Variants in PDE10A observed in about 807,000 individuals in gnomAD.
PDE10A encodes the protein cAMP and cAMP-inhibited cGMP 3',5'-cyclic phosphodiesterase 10A.
A neutral mutation model predicts 97.7 loss-of-function variants in PDE10A; 39 were observed. The ratio of observed to expected loss-of-function variants is 0.40; its 90% confidence interval spans 0.31 to 0.52. The LOEUF (loss-of-function observed/expected upper bound fraction) is 0.52, where lower values mean the gene tolerates loss of function less well. PDE10A is among the 20% of genes least tolerant of loss of function. The pLI is 0.56. For missense variants in PDE10A, 731 were observed against 1,047.8 expected (o/e 0.70, Z 4.17); for synonymous variants, 371 against 376.8 (o/e 0.98, Z 0.18).
intron 1 of PDE10A, among the ~76,000 whole-genome samples, chr6:165,674,841 C>T (rs1790750682): frequency 6.6e-6 from 1 of 152,182 alleles, no homozygotes; most frequent in African/African-American, 2.4e-5. Context: ...CTTTATGGTT[C>T]ATCCCTTCCC....
chr6:165,582,452 C>G (rs10485104), intron 1 of PDE10A, among the ~76,000 whole-genome samples: 30,001 of 152,008 alleles, frequency 0.2, 3,262 homozygotes, highest in African/African-American at 0.28. Flanking sequence ...GTACATTTTT[C>G]TAAGGTACAG....
intron 1 of PDE10A, among the ~76,000 whole-genome samples, chr6:165,684,343 T>C (rs1225880527): frequency 6.6e-6 from 1 of 152,252 alleles, no homozygotes; most frequent in Non-Finnish European, 1.5e-5. Flanking sequence ...GTGTCTACTG[T>C]GGATGGGCAC....
In PDE10A at chr6:165,943,266, G is replaced by GAAAGAAA. The variant is rs1783626119; in HGVS notation, c.-615+44262_-615+44263insTTTCTTT. ...AGGAAGGAAGGAAGGAAGGAAGGAA[G>GAAAGAAA]GAAGGAAGGAAAGAAAGAAAGAAAG... is the stretch of plus-strand genomic sequence containing the variant. On this transcript the variant is annotated intron_variant, in intron 1 of 19. Transcript: ENST00000366882. 1.3e-4 allele frequency among the ~76,000 whole-genome samples: 11 copies of GAAAGAAA among 85,554 alleles called. 3 individuals are homozygous for GAAAGAAA. The highest frequency in any genetic ancestry group is 5.1e-4 in the African/African-American group (9 of 17,540). The allele number at this position is 85,554 out of a possible 152,430, so 56.1% of individuals were successfully genotyped here.
chr6:165,607,051 G>T (rs1036594956), intron 1 of PDE10A, among the ~76,000 whole-genome samples: 3 of 151,990 alleles, frequency 2.0e-5, no homozygotes, highest in African/African-American at 7.3e-5. Context: ...CTATTTTCTT[G>T]CTTCCCAACT....
At chr6:165,359,290 G>A (rs1783231011) in intron 18 of PDE10A, among the ~76,000 whole-genome samples, 1 of 152,036 alleles carries the variant, frequency 6.6e-6, no homozygotes, top group Admixed American at 6.6e-5. Flanking sequence ...CCTGTCTGCT[G>A]ACAACATATT....
intron 2 of PDE10A, among the ~76,000 whole-genome samples, chr6:165,525,284 T>A (rs2128310960): frequency 6.6e-6 from 1 of 152,240 alleles, no homozygotes; most frequent in East Asian, 1.9e-4. Context: ...AAACATAAAA[T>A]TGGATCAGGC....
intron 2 of PDE10A, among the ~76,000 whole-genome samples, chr6:165,526,066 TA>T (rs1782426491): frequency 6.6e-6 from 1 of 152,216 alleles, no homozygotes; most frequent in Non-Finnish European, 1.5e-5. Context: ...AGGACCCCAC[TA>T]TATTACCAAC....
At chr6:165,633,039 A>G (rs992220455) in intron 1 of PDE10A, among the ~76,000 whole-genome samples, 1 of 151,874 alleles carries the variant, frequency 6.6e-6, no homozygotes, top group Non-Finnish European at 1.5e-5. Flanking sequence ...TTCTGGAAAT[A>G]GCATACCATA....
intron 3 of PDE10A, among the ~76,000 whole-genome samples, chr6:165,463,244 C>T (rs959451796): frequency 6.6e-6 from 1 of 152,128 alleles, no homozygotes; most frequent in Non-Finnish European, 1.5e-5. Flanking sequence ...GGCACCTCAA[C>T]CTCAAATGAT....
chr6:165,473,938 CAATT>C (rs954500962), intron 3 of PDE10A, among the ~76,000 whole-genome samples: 2 of 152,168 alleles, frequency 1.3e-5, no homozygotes, highest in Non-Finnish European at 1.5e-5. Flanking sequence ...GTCATTCACT[CAATT>C]AAGGTAATGA....
intron 1 of PDE10A, among the ~76,000 whole-genome samples, chr6:165,952,102 G>T (rs1338148037): frequency 1.3e-5 from 2 of 152,208 alleles, no homozygotes; most frequent in Non-Finnish European, 2.9e-5. Flanking sequence ...GACATTAAAT[G>T]ACTTTCCCAG....
chr6:165,484,218 A>C (rs1334737200), intron 2 of PDE10A, among the ~76,000 whole-genome samples: 2 of 152,244 alleles, frequency 1.3e-5, no homozygotes, highest in Admixed American at 1.3e-4. Flanking sequence ...CTTGCCCAAG[A>C]AAAATTTAAG....
chr6:165,927,925 A>C (rs1782994710), intron 1 of PDE10A, among the ~76,000 whole-genome samples: 1 of 150,468 alleles, frequency 6.6e-6, no homozygotes, highest in East Asian at 1.9e-4. Context: ...TCTAACTCCT[A>C]ACCTTAAGTG....
intron 1 of PDE10A, among the ~76,000 whole-genome samples, chr6:165,642,821 G>GAA (rs1789202244): frequency 6.6e-6 from 1 of 152,218 alleles, no homozygotes; most frequent in South Asian, 2.1e-4. Flanking sequence ...ACCTGCCAAA[G>GAA]AACGTGCGTC....
chr6:165,953,120 G>C (rs953367111), intron 1 of PDE10A, among the ~76,000 whole-genome samples: 1 of 152,160 alleles, frequency 6.6e-6, no homozygotes, highest in Non-Finnish European at 1.5e-5. Flanking sequence ...CTTAGGACTT[G>C]CTCTATGACT....
At chr6:165,818,031 G>C (rs746139480) in intron 1 of PDE10A, among the ~76,000 whole-genome samples, 6 of 152,178 alleles carry the variant, frequency 3.9e-5, no homozygotes, top group Middle Eastern at 3.2e-3. Context: ...TCTCATACCT[G>C]CTCTCTGAGC....
Position 165,430,277 on chromosome 6 carries a change from G to C in PDE10A, c.1601+10C>G. ...AATAAGAGCTACTATCCCTAGAAAT[G>C]AACACTTACTTTGATACGTCGAGTA... On this transcript the variant is annotated intron_variant, in intron 9 of 21. Coordinates refer to ENST00000539869, the MANE Select transcript of PDE10A (RefSeq NM_001385079.1). The C allele has an allele frequency of 6.3e-7, 1 of 1,599,864 alleles. No individual in the cohort carries two copies. Among genetic ancestry groups the C allele is most frequent in the Non-Finnish European group, 8.6e-7 (1 of 1,169,508 alleles).
Position 165,494,585 on chromosome 6 carries a change from T to G in PDE10A, c.995-12242A>C, listed in dbSNP as rs553992564. On this transcript the variant is annotated intron_variant, in intron 2 of 21. Transcript: ENST00000539869. ...AGAAATCCAGAATAAAGAAAGGTGATCATTTAATGCCTATATTAGAAATTA... is the reference window on the plus strand; with the variant it reads ...AGAAATCCAGAATAAAGAAAGGTGAGCATTTAATGCCTATATTAGAAATTA... Among the ~76,000 whole-genome samples, 190 of 151,212 alleles carry G rather than the reference T, an allele frequency of 1.3e-3. 1 individual carries two copies. The highest frequency in any genetic ancestry group is 4.5e-3 in the African/African-American group (187 of 41,308).
At chr6:165,582,933 G>A (rs774892798) in intron 1 of PDE10A, among the ~76,000 whole-genome samples, 17 of 151,970 alleles carry the variant, frequency 1.1e-4, no homozygotes, top group African/African-American at 3.1e-4. Context: ...GTATTTCTTC[G>A]TGCGGCAAAT....
Sources: allele counts gnomAD v4.1 joint callset (sites outside exome capture counted in the v4.1 genomes callset), GRCh38; gene constraint gnomAD v4.1.1; transcripts MANE v1.5; gene names NCBI Gene and HGNC (gene_info 2026-07-23, HGNC 2026-07-21).